TLE4: variants seen among roughly 807,000 people sequenced by gnomAD.
TLE4 encodes transducin-like enhancer protein 4.
In TLE4, 8 loss-of-function variants were observed where a neutral mutation model predicts 92.8. The ratio of observed to expected loss-of-function variants is 0.09; its 90% CI spans 0.05 to 0.16. The LOEUF is 0.16. Among genes scored for constraint, TLE4 ranks in the 10% least tolerant of loss-of-function variants. The pLI, the probability that TLE4 is intolerant of heterozygous loss-of-function variation, is 1.00. For synonymous variants in TLE4, 371 were observed against 374.1 expected, an observed-to-expected ratio of 0.99 and a Z score of 0.10; for missense variants, 675 against 997.6, an observed-to-expected ratio of 0.68 and a Z score of 4.36.
At chr9:79,662,437 A>G (rs1019045856) in intron 8 of TLE4, among the ~76,000 whole-genome samples, 3 of 152,170 alleles carry the variant, frequency 2.0e-5, no homozygotes, top group African/African-American at 4.8e-5. Context: ...TAATTATTCT[A>G]GAGAATTTTG....
At chr9:79,681,304 G>A (rs2064520536) in intron 8 of TLE4, among the ~76,000 whole-genome samples, 1 of 152,138 alleles carries the variant, frequency 6.6e-6, no homozygotes, top group African/African-American at 2.4e-5. Flanking sequence ...GTTAAAGGAA[G>A]TCACTATCAG....
rs768801396 is a variant in TLE4, at chr9:79,718,761, G to A, written c.1380G>A (p.Gln460=). The A allele has an allele frequency of 1.9e-6, 3 of 1,614,088 alleles. No individual in the cohort carries two copies. The highest frequency in any genetic ancestry group is 2.2e-5 in the East Asian group (1 of 44,876). ...ATGTTAGCGCAGATGGTCAGATGCA[G>A]CCTGTCCCTTTTCCACCCGACGCCC... The part of the protein sequence containing the change: ...SFHVSADGQM[Q]PVPFPPDALI... The change falls in exon 15 of 20, where the codon CAG becomes CAA. Residue 460 remains glutamine, a synonymous_variant. Coordinates refer to ENST00000376552, the MANE Select transcript of TLE4 (RefSeq NM_007005.6).
At chr9:79,711,926 A>C (rs970801347) in intron 14 of TLE4, among the ~76,000 whole-genome samples, 3 of 152,200 alleles carry the variant, frequency 2.0e-5, no homozygotes, top group Admixed American at 2.0e-4. Context: ...TGGTGCAGTC[A>C]ACAGAGTATG....
At chr9:79,717,232 C>G (rs117191677) in intron 14 of TLE4, among the ~76,000 whole-genome samples, 15 of 152,184 alleles carry the variant, frequency 9.9e-5, no homozygotes, top group Admixed American at 3.3e-4. Context: ...AATTCCTTCA[C>G]CTCCCCATAG....
chr9:79,573,556 G>A, intron 1 of TLE4, 133 bp from the exon 2 acceptor site: 1 of 838,704 alleles, frequency 1.2e-6, no homozygotes. Context: ...GTTGCGGGAG[G>A]AGAGTTTTAA....
chr9:79,626,472 A>G (rs1275642067), intron 5 of TLE4, among the ~76,000 whole-genome samples: 1 of 152,236 alleles, frequency 6.6e-6, no homozygotes, highest in Non-Finnish European at 1.5e-5. Context: ...AGTAAGACTG[A>G]TTTTAAACCA....
chr9:79,691,895 T>G (rs1035834363), intron 8 of TLE4, among the ~76,000 whole-genome samples: 7 of 152,208 alleles, frequency 4.6e-5, no homozygotes, highest in African/African-American at 1.4e-4. Context: ...CAGCTTGTTT[T>G]ACTTGATTTT....
chr9:79,644,055 A>G (rs1269641795), intron 6 of TLE4, among the ~76,000 whole-genome samples: 1 of 152,092 alleles, frequency 6.6e-6, no homozygotes, highest in East Asian at 1.9e-4. Context: ...TCCCCACCCA[A>G]ATCTCATCTT....
intron 6 of TLE4, among the ~76,000 whole-genome samples, chr9:79,650,548 C>T (rs147352184): frequency 5.1e-4 from 78 of 152,238 alleles, no homozygotes; most frequent in Admixed American, 1.6e-3. Flanking sequence ...TCTTCATAGA[C>T]GTTATTTTCT....
chr9:79,704,681 T>C (rs1353508585), intron 8 of TLE4, 102 bp from the exon 9 acceptor site: 11 of 1,474,722 alleles, frequency 7.5e-6, no homozygotes, highest in East Asian at 2.3e-5. Flanking sequence ...TGCAAGTATA[T>C]GCTAAAGAAT....
chr9:79,627,677 G>A (rs2052979042), intron 6 of TLE4: 1 of 531,994 alleles, frequency 1.9e-6, no homozygotes, highest in Non-Finnish European at 3.4e-6. Flanking sequence ...CTCCTCTAAG[G>A]AGACTGGATA....
At chr9:79,614,632 C>G (rs906115831) in intron 5 of TLE4, among the ~76,000 whole-genome samples, 9 of 152,126 alleles carry the variant, frequency 5.9e-5, no homozygotes, top group African/African-American at 2.2e-4. Flanking sequence ...CTATTTATTT[C>G]CCAAATACTT....
At chr9:79,679,338 T>A (rs2135197522) in intron 8 of TLE4, among the ~76,000 whole-genome samples, 1 of 152,300 alleles carries the variant, frequency 6.6e-6, no homozygotes, top group South Asian at 2.1e-4. Context: ...GGTATCTCAT[T>A]GTGGTTTTGA....
chr9:79,572,964 G>A (rs1007105067), intron 1 of TLE4, 129 bp downstream of exon 1: 2 of 993,518 alleles, frequency 2.0e-6, no homozygotes, highest in Non-Finnish European at 2.8e-6. Flanking sequence ...GCCCCGCGCC[G>A]GGAGCAGCCC....
Position 79,573,774 on chromosome 9 carries a change from C to G in TLE4, c.131C>G (p.Ala44Gly). 6.3e-7 allele frequency: 1 copy of G among 1,595,430 alleles called. No homozygotes were observed. The highest frequency in any genetic ancestry group is 1.1e-5 in the South Asian group (1 of 89,130). The change falls in exon 2 of 20, where the codon GCT (alanine) becomes GGT (glycine). Residue 44 changes from alanine (A) to glycine (G), a missense_variant. Ala to Gly is a moderately conservative substitution (Grantham distance 60). Transcript: ENST00000376552. The stretch of plus-strand genomic sequence containing the variant: ...AAGGAAGAGTTTCAGTTTTTACAGG[C>G]TCAATACCACAGGTAACGATATTGA... Reference protein sequence around the residue: ...RIKEEFQFLQAQYHSLKLECE... With the variant: ...RIKEEFQFLQGQYHSLKLECE...
At chr9:79,684,172 T>G (rs2135367829) in intron 8 of TLE4, among the ~76,000 whole-genome samples, 1 of 152,344 alleles carries the variant, frequency 6.6e-6, no homozygotes. Flanking sequence ...CATACTGGTA[T>G]GAAATCGAAA....
chr9:79,680,960 C>T (rs1248742533), intron 8 of TLE4, among the ~76,000 whole-genome samples: 4 of 152,124 alleles, frequency 2.6e-5, no homozygotes. Flanking sequence ...ACCAGCCTTG[C>T]ATCCCAGGGA....
At chr9:79,696,963 A>G (rs2068432184) in intron 8 of TLE4, among the ~76,000 whole-genome samples, 1 of 152,208 alleles carries the variant, frequency 6.6e-6, no homozygotes. Flanking sequence ...CATGTACCAC[A>G]TGAGATTTGC....
intron 8 of TLE4, among the ~76,000 whole-genome samples, chr9:79,678,071 GTC>G (rs1369379903): frequency 6.6e-6 from 1 of 152,092 alleles, no homozygotes; most frequent in African/African-American, 2.4e-5. Flanking sequence ...TACGTATGCA[GTC>G]TCTGTCTCAG....
Sources: gnomAD v4.1 joint callset for allele counts (sites outside exome capture counted in the v4.1 genomes callset) on GRCh38, gnomAD v4.1.1 for gene constraint, MANE v1.5 for transcripts, NCBI Gene and HGNC (gene_info 2026-07-23, HGNC 2026-07-21) for gene names.